Variants in ANXA3 observed in about 807,000 individuals in gnomAD.
The protein encoded by ANXA3 is 35-alpha calcimedin.
A neutral mutation model predicts 48.8 loss-of-function variants in ANXA3; 46 were observed. The observed-to-expected ratio is 0.94, with a 90% CI of 0.74 to 1.21. The LOEUF (loss-of-function observed/expected upper bound fraction) is 1.21. Ranked by LOEUF, ANXA3 falls within the 50% of genes most tolerant of loss-of-function variation. The pLI is 0.00. For missense variants in ANXA3, 383 were observed against 378.6 expected, an observed-to-expected ratio of 1.01 and a Z score of -0.10; for synonymous variants, 128 against 134.7, an observed-to-expected ratio of 0.95 and a Z score of 0.35.
At chr4:78,579,153 G>C (rs754940706) in intron 4 of ANXA3, 32 bp downstream of exon 4, 1 of 1,479,298 alleles carries the variant, frequency 6.8e-7, no homozygotes, top group Non-Finnish European at 9.4e-7. Context: ...AGGCAGTAAA[G>C]AGATCATTAA....
chr4:78,588,985 G>C (rs927060097), intron 6 of ANXA3, among the ~76,000 whole-genome samples: 3 of 152,182 alleles, frequency 2.0e-5, no homozygotes, highest in African/African-American at 7.2e-5. Flanking sequence ...GGTATTTTCT[G>C]GTGTTTCTTA....
chr4:78,560,883 T>C (rs1009480574), intron 2 of ANXA3, among the ~76,000 whole-genome samples: 1 of 152,208 alleles, frequency 6.6e-6, no homozygotes, highest in African/African-American at 2.4e-5. Flanking sequence ...TACACATCTA[T>C]AACTCACATT....
chr4:78,566,594 T>C (rs1722736297), intron 2 of ANXA3, among the ~76,000 whole-genome samples: 1 of 138,982 alleles, frequency 7.2e-6, no homozygotes, highest in South Asian at 2.2e-4. Context: ...ATACCACTTA[T>C]AAGTGGGAGC....
At chr4:78,564,000 TTTGA>T (rs1475965393) in intron 2 of ANXA3, among the ~76,000 whole-genome samples, 1 of 152,234 alleles carries the variant, frequency 6.6e-6, no homozygotes, top group Non-Finnish European at 1.5e-5. Flanking sequence ...AGCACTTTAC[TTTGA>T]TTGTAGAACA....
At chr4:78,601,301 C>G (rs1327116143) in intron 10 of ANXA3, among the ~76,000 whole-genome samples, 1 of 152,160 alleles carries the variant, frequency 6.6e-6, no homozygotes, top group African/African-American at 2.4e-5. Context: ...GAGATAATTA[C>G]TGTGCTAAAG....
At chr4:78,583,822 C>A (rs879322421) in intron 5 of ANXA3, among the ~76,000 whole-genome samples, 46 of 152,182 alleles carry the variant, frequency 3.0e-4, no homozygotes, top group Non-Finnish European at 6.0e-4. Context: ...CTGATTGGAT[C>A]AGGTCTGCCG....
At chr4:78,581,205 C>T (rs1723063013) in intron 4 of ANXA3, among the ~76,000 whole-genome samples, 1 of 152,190 alleles carries the variant, frequency 6.6e-6, no homozygotes. Context: ...AATCTGTGCC[C>T]ACAGCGTTTC....
At chr4:78,554,100 C>A (rs1045165595) in intron 1 of ANXA3, 8 of 182,802 alleles carry the variant, frequency 4.4e-5, no homozygotes, top group South Asian at 1.5e-4. Context: ...GTAGTGGTAG[C>A]CTGTCAGTAA....
At chr4:78,576,263 TC>T (rs1420843122) in intron 3 of ANXA3, among the ~76,000 whole-genome samples, 2 of 152,210 alleles carry the variant, frequency 1.3e-5, no homozygotes, top group Non-Finnish European at 2.9e-5. Flanking sequence ...GTTTATTTTT[TC>T]CATTTTTCAA....
chr4:78,558,396 C>T lies in ANXA3; in HGVS notation c.15+3908C>T, dbSNP rs4975146. On this transcript the variant is annotated intron_variant, in intron 2 of 12. Coordinates refer to ENST00000264908, the MANE Select transcript of ANXA3 (RefSeq NM_005139.3). ...AAACCCTCAGATTTCCAATTGTAAA[C>T]ATTCTTATCACAAAGTTTTATGTGT... 8.3e-3 allele frequency among the ~76,000 whole-genome samples: 1,271 copies of T among 152,322 alleles called. 29 individuals are homozygous for T. The highest frequency in any genetic ancestry group is 0.055 in the Admixed American group (841 of 15,300).
At chr4:78,601,589 T>C in intron 11 of ANXA3, 21 bp downstream of exon 11, 1 of 1,610,540 alleles carries the variant, frequency 6.2e-7, no homozygotes, top group East Asian at 2.2e-5. Flanking sequence ...AAAGTTCATG[T>C]GCATTCTTAG....
intron 2 of ANXA3, among the ~76,000 whole-genome samples, chr4:78,561,599 G>C (rs944367320): frequency 6.6e-6 from 1 of 152,054 alleles, no homozygotes; most frequent in Admixed American, 6.6e-5. Context: ...CGTGTGAGGA[G>C]AAAGCTGTGT....
At chr4:78,586,413 C>T in intron 6 of ANXA3, 63 bp downstream of exon 6, 1 of 1,218,016 alleles carries the variant, frequency 8.2e-7, no homozygotes, top group Non-Finnish European at 1.2e-6. Flanking sequence ...GTTGCTTTTC[C>T]TAGAATCCTC....
At position 78,601,554 on chromosome 4, in the gene ANXA3, C is replaced by T. The variant is rs376086128; in HGVS notation, c.775C>T (p.His259Tyr). 3 of 1,613,932 alleles carry T rather than the reference C, an allele frequency of 1.9e-6. No homozygotes were observed. The South Asian group carries it at 3.3e-5, about 18-fold the overall frequency. Reference protein sequence around the residue: ...NTPAFLAERLHRALKGIGTDE... With the variant: ...NTPAFLAERLYRALKGIGTDE... Reference sequence around the variant, plus strand: ...GCCGGCCTTTTTAGCCGAAAGACTGCATCGAGCCTTGAAGGTTGGTCTGGA... The same window carrying T: ...GCCGGCCTTTTTAGCCGAAAGACTGTATCGAGCCTTGAAGGTTGGTCTGGA... The change falls in exon 11 of 13, where the codon CAT becomes TAT. Residue 259 changes from histidine to tyrosine, a missense_variant. By Grantham distance (83) the His-to-Tyr change is moderately conservative. Coordinates refer to ENST00000264908, the MANE Select transcript of ANXA3 (RefSeq NM_005139.3).
intron 5 of ANXA3, among the ~76,000 whole-genome samples, chr4:78,584,419 T>C (rs1039231443): frequency 6.6e-6 from 1 of 152,084 alleles, no homozygotes; most frequent in Non-Finnish European, 1.5e-5. Flanking sequence ...CAAGCAATCC[T>C]CCTGCCTCGG....
intron 2 of ANXA3, among the ~76,000 whole-genome samples, chr4:78,566,496 A>AG (rs950839041): frequency 2.0e-5 from 3 of 151,858 alleles, no homozygotes; most frequent in Admixed American, 2.0e-4. Context: ...CACAAAAAAA[A>AG]AAAAAATGAA....
At position 78,584,345 on chromosome 4, in the gene ANXA3, AT is replaced by A. The variant is rs796881175; in HGVS notation, c.313-1903del. Among the ~76,000 whole-genome samples the A allele has an allele frequency of 1.8e-3, 264 of 146,654 alleles. 1 individual carries two copies. The highest frequency in any genetic ancestry group is 3.6e-3 in the Middle Eastern group (1 of 280). On this transcript the variant is annotated intron_variant, in intron 5 of 12. Transcript: ENST00000264908. ...ACACCACCACACCTGGCTAATTAAA[AT>A]TTTTTTTTTTTGTAGAGACAGGGTC...
chr4:78,600,765 G>A (rs1380396858), intron 10 of ANXA3, among the ~76,000 whole-genome samples: 1 of 152,088 alleles, frequency 6.6e-6, no homozygotes, highest in Non-Finnish European at 1.5e-5. Flanking sequence ...TCAGATTTAA[G>A]ATTATAAAAA....
At chr4:78,562,881 AATG>A (rs1426556737) in intron 2 of ANXA3, among the ~76,000 whole-genome samples, 3 of 152,214 alleles carry the variant, frequency 2.0e-5, no homozygotes, top group Non-Finnish European at 2.9e-5. Context: ...AGGCAGACGG[AATG>A]ATAAGTGTAA....
Sources: allele counts gnomAD v4.1 joint callset (sites outside exome capture counted in the v4.1 genomes callset), GRCh38; gene constraint gnomAD v4.1.1; transcripts MANE v1.5; gene names NCBI Gene and HGNC (gene_info 2026-07-23, HGNC 2026-07-21).